Variants in LARP4B observed in about 807,000 individuals in gnomAD.
LARP4B encodes La ribonucleoprotein 4B, also known as la-related protein 4B.
LARP4B carries 12 observed loss-of-function variants against 89.8 expected under a neutral mutation model. The observed-to-expected ratio is 0.13, with a 90% CI of 0.09 to 0.22. The LOEUF (loss-of-function observed/expected upper bound fraction) is 0.22. Ranked by LOEUF, LARP4B falls within the 10% of genes least tolerant of loss-of-function variation. The pLI is 1.00. For missense variants in LARP4B, 757 were observed against 947.7 expected (o/e 0.80, Z 2.64); for synonymous variants, 367 against 363.3 (o/e 1.01, Z -0.12).
rs1831812301 is a variant in LARP4B, at chr10:812,852, C to T, written c.*74G>A. Reference sequence around the variant, plus strand: ...TGCAAGCTCCTAACCAGCGGCTCGCCCTCGCACTGAGTGGGAGAGTGTCTC... The same window carrying T: ...TGCAAGCTCCTAACCAGCGGCTCGCTCTCGCACTGAGTGGGAGAGTGTCTC... On this transcript the variant is annotated 3_prime_UTR_variant, in exon 18 of 18. Coordinates refer to ENST00000316157, the MANE Select transcript of LARP4B (RefSeq NM_015155.3). 1 of 1,399,070 alleles carries T rather than the reference C, an allele frequency of 7.1e-7. No individual in the cohort carries two copies. The highest frequency in any genetic ancestry group is 1.6e-5 in the South Asian group (1 of 62,432). 86.7% of individuals were successfully genotyped at this position (1,399,070 alleles called of 1,614,324 possible).
intron 1 of LARP4B, among the ~76,000 whole-genome samples, chr10:897,748 G>A (rs1374979124): frequency 1.3e-5 from 2 of 151,928 alleles, no homozygotes; most frequent in African/African-American, 2.4e-5. Context: ...AGCACTTTCC[G>A]AGGCCGAAGC....
intron 14 of LARP4B, 195 bp downstream of exon 14, chr10:820,602 TCGC>T: frequency 1.7e-6 from 1 of 577,368 alleles, no homozygotes; most frequent in Admixed American, 3.2e-5. Context: ...GTGCAGCACA[TCGC>T]TATTTCCAAA....
At chr10:848,574 A>G (rs189998606) in intron 5 of LARP4B, among the ~76,000 whole-genome samples, 7 of 152,200 alleles carry the variant, frequency 4.6e-5, no homozygotes, top group East Asian at 1.9e-4. Context: ...ATTAAAAAAA[A>G]AAAAGAAAAA....
chr10:908,979 C>T (rs1403377910), intron 1 of LARP4B, among the ~76,000 whole-genome samples: 2 of 152,164 alleles, frequency 1.3e-5, no homozygotes, highest in Non-Finnish European at 2.9e-5. Context: ...CACAGCCAAA[C>T]GGCAGGCGTG....
At chr10:880,653 T>C (rs562999183) in intron 3 of LARP4B, among the ~76,000 whole-genome samples, 3 of 151,808 alleles carry the variant, frequency 2.0e-5, no homozygotes, top group South Asian at 2.1e-4. Context: ...ACTACTGCAC[T>C]ATAGCCAGCC....
In LARP4B at chr10:843,033, T is replaced by C. The variant is rs756170402; in HGVS notation, c.545A>G (p.Gln182Arg). Reference sequence around the variant, plus strand: ...TGGCACATACTGGTCACTATCCATCTGTGATATAAGATACATGTCACTAGC... The same window carrying C: ...TGGCACATACTGGTCACTATCCATCCGTGATATAAGATACATGTCACTAGC... ...NLASDMYLIS[Q>R]MDSDQYVPIT... The change falls in exon 7 of 18, where the codon CAG (glutamine) becomes CGG (arginine). Residue 182 changes from glutamine (Q) to arginine (R), a missense_variant. Transcript: ENST00000316157. 1 of 1,614,014 alleles carries C rather than the reference T, an allele frequency of 6.2e-7. No homozygotes were observed. Among genetic ancestry groups the C allele is most frequent in the Non-Finnish European group, 8.5e-7 (1 of 1,179,824 alleles).
chr10:860,576 T>C (rs542485941), intron 5 of LARP4B, among the ~76,000 whole-genome samples: 3 of 152,252 alleles, frequency 2.0e-5, no homozygotes, highest in Middle Eastern at 3.4e-3. Flanking sequence ...TTGAAAACAA[T>C]CCCAAAATCC....
intron 11 of LARP4B, among the ~76,000 whole-genome samples, chr10:828,487 C>T (rs1418271915): frequency 1.3e-5 from 2 of 152,220 alleles, no homozygotes; most frequent in East Asian, 3.8e-4. Context: ...ACCTACCCTC[C>T]TTTTCTGCCT....
At chr10:856,448 C>G (rs925613954) in intron 5 of LARP4B, among the ~76,000 whole-genome samples, 2 of 152,178 alleles carry the variant, frequency 1.3e-5, no homozygotes, top group African/African-American at 4.8e-5. Flanking sequence ...TTCTTAGATC[C>G]TACGTAAAGT....
chr10:978,030 AC>A, the LARP4B span, among the ~76,000 whole-genome samples: 11 of 152,190 alleles, frequency 7.2e-5, no homozygotes, highest in Non-Finnish European at 1.6e-4. Context: ...AGAGTTACAA[AC>A]AGAATAATGG....
chr10:920,415 G>C lies in LARP4B; in HGVS notation c.-40+11013C>G, dbSNP rs117165645. 4.8e-3 allele frequency among the ~76,000 whole-genome samples: 734 copies of C among 152,294 alleles called. 4 individuals are homozygous for C. The highest frequency in any genetic ancestry group is 7.1e-3 in the Non-Finnish European group (484 of 68,026). ...AAAATAACGTAGAACAAAACTCACA[G>C]TCTTAGAATATAAACATCTTACTTC... On this transcript the variant is annotated intron_variant, in intron 1 of 17. Coordinates refer to ENST00000316157, the MANE Select transcript of LARP4B (RefSeq NM_015155.3).
chr10:814,452 T>G lies in LARP4B; in HGVS notation c.1929+290A>C, dbSNP rs945610343. On this transcript the variant is annotated intron_variant, in intron 17 of 17. Coordinates refer to ENST00000316157, the MANE Select transcript of LARP4B (RefSeq NM_015155.3). This position sits in a 1 kb window ranked among gnomAD's most constrained non-coding sequence, Gnocchi z 4.4. ...GCGAAATGCTGAAATGATCCTAAAGTCTATGGAGAAACAGGAGCTGGGGTC... is the reference window on the plus strand; with the variant it reads ...GCGAAATGCTGAAATGATCCTAAAGGCTATGGAGAAACAGGAGCTGGGGTC... 3 of 476,304 alleles carry G rather than the reference T, an allele frequency of 6.3e-6. No individual in the cohort carries two copies. The highest frequency in any genetic ancestry group is 6.0e-5 in the African/African-American group (3 of 50,354). The allele number at this position is 476,304 out of a possible 1,614,324, so 29.5% of individuals were successfully genotyped here.
At chr10:907,659 T>C (rs745453219) in intron 1 of LARP4B, among the ~76,000 whole-genome samples, 7 of 152,208 alleles carry the variant, frequency 4.6e-5, no homozygotes, top group Non-Finnish European at 8.8e-5. Flanking sequence ...TTTCCTCCCA[T>C]TTCATGGCAT....
chr10:816,631 T>C (rs985309558), intron 15 of LARP4B, among the ~76,000 whole-genome samples: 5 of 152,236 alleles, frequency 3.3e-5, no homozygotes, highest in African/African-American at 4.8e-5. Flanking sequence ...AGGCTACAGT[T>C]GGAAAACTAG....
At chr10:836,060 T>C (rs1833201655) in intron 8 of LARP4B, among the ~76,000 whole-genome samples, 1 of 147,628 alleles carries the variant, frequency 6.8e-6, no homozygotes, top group East Asian at 1.9e-4. Flanking sequence ...AATACTTGTT[T>C]TGAAAAGTTT....
At chr10:910,391 A>G (rs1391023905) in intron 1 of LARP4B, among the ~76,000 whole-genome samples, 2 of 152,222 alleles carry the variant, frequency 1.3e-5, no homozygotes, top group African/African-American at 4.8e-5. Context: ...GTAAGACAGC[A>G]GGATTCAGAA....
chr10:911,966 T>C (rs530511302), intron 1 of LARP4B, among the ~76,000 whole-genome samples: 1 of 151,990 alleles, frequency 6.6e-6, no homozygotes, highest in African/African-American at 2.4e-5. Flanking sequence ...GTTTGAACAC[T>C]TGGAGGTTAG....
the LARP4B span, among the ~76,000 whole-genome samples, chr10:974,266 C>T: frequency 2.0e-5 from 3 of 152,108 alleles, no homozygotes; most frequent in Admixed American, 6.5e-5. Context: ...ACATGGCTCG[C>T]TCCCACGGAA....
chr10:915,886 T>TC (rs1836807063), intron 1 of LARP4B, among the ~76,000 whole-genome samples: 1 of 151,456 alleles, frequency 6.6e-6, no homozygotes, highest in Non-Finnish European at 1.5e-5. Flanking sequence ...ATTATCTGGC[T>TC]AAATGACTAT....
Sources: gnomAD v4.1 joint callset for allele counts (sites outside exome capture counted in the v4.1 genomes callset) on GRCh38, gnomAD v4.1.1 for gene constraint, Gnocchi (gnomAD v3.1) non-coding constraint, MANE v1.5 for transcripts, NCBI Gene and HGNC (gene_info 2026-07-23, HGNC 2026-07-21) for gene names.